The following BNIPL variants were observed in gnomAD, a reference collection of about 807,000 sequenced individuals.
The protein encoded by BNIPL is bcl-2/adenovirus E1B 19 kDa-interacting protein 2-like protein.
BNIPL carries 33 observed loss-of-function variants against 47.0 expected under a neutral mutation model. That is an observed-to-expected ratio of 0.70 (90% CI 0.53 to 0.94). The LOEUF (loss-of-function observed/expected upper bound fraction) is 0.94. Ranked by LOEUF, BNIPL falls within the 40% of genes least tolerant of loss-of-function variation. The pLI is 0.00. For missense variants in BNIPL, 404 were observed against 445.2 expected (o/e 0.91, Z 0.83); for synonymous variants, 145 against 162.7 (o/e 0.89, Z 0.83).
Position 151,043,712 on chromosome 1 carries a change from G to T in BNIPL, c.836G>T (p.Arg279Leu). 6.2e-7 allele frequency: 1 copy of T among 1,613,692 alleles called. No individual in the cohort carries two copies. Among genetic ancestry groups the T allele is most frequent in the Non-Finnish European group, 8.5e-7 (1 of 1,179,688 alleles). Residue 279 changes from arginine to leucine, a missense_variant, in exon 7 of 10, where the codon CGT becomes CTT. Coordinates refer to ENST00000368931, the MANE Select transcript of BNIPL (RefSeq NM_138278.4). ...CTAAGCTGGATACGTCAGTGTTACC[G>T]TACCCTGGATCGGCGGTGAGACCTG... ...PPLSWIRQCY[R>L]TLDRRLRKNL...
chr1:151,044,548 T>A (rs1675940173), intron 7 of BNIPL, among the ~76,000 whole-genome samples: 1 of 152,126 alleles, frequency 6.6e-6, no homozygotes, highest in South Asian at 2.1e-4. Context: ...GCTCAAGCCA[T>A]CCTCCCACCT....
chr1:151,045,937 A>C, intron 8 of BNIPL, 54 bp downstream of exon 8: 3 of 1,613,746 alleles, frequency 1.9e-6, no homozygotes, highest in Non-Finnish European at 2.5e-6. Context: ...TTTCAAAATC[A>C]AGATTAAGAT....
intron 7 of BNIPL, chr1:151,045,557 T>TAAA (rs1675987501): frequency 3.8e-6 from 1 of 264,534 alleles, no homozygotes; most frequent in Admixed American, 1.3e-4. Flanking sequence ...AGACTCCGTC[T>TAAA]CAAAAAAAAA....
intron 9 of BNIPL, among the ~76,000 whole-genome samples, 196 bp downstream of exon 9, chr1:151,046,361 GA>G (rs75037716): frequency 0.11 from 14,928 of 130,704 alleles, 1,341 homozygotes; most frequent in African/African-American, 0.28. Flanking sequence ...AAGAATAAAT[GA>G]AAAAAAAAAA....
rs761306125 is a variant in BNIPL at position 151,043,012 on chromosome 1, C to G, written c.490C>G (p.Arg164Gly). The G allele has an allele frequency of 5.0e-6, 8 of 1,610,528 alleles. No individual in the cohort carries two copies. The highest frequency in any genetic ancestry group is 4.5e-5 in the East Asian group (2 of 44,794). Residue 164 changes from arginine to glycine, a missense_variant, in exon 5 of 10, where the codon CGA (arginine) becomes GGA (glycine). Transcript: ENST00000368931. ...GTSETAERLG[R>G]GCMWDVTGED... ...CAGTGAGACAGCTGAAAGGCTGGGC[C>G]GAGGTTGTATGTGGGATGTGACTGG...
intron 6 of BNIPL, 54 bp downstream of exon 6, chr1:151,043,488 A>G: frequency 6.4e-7 from 1 of 1,556,692 alleles, no homozygotes; most frequent in Non-Finnish European, 8.9e-7. Flanking sequence ...GGAAAAGTAA[A>G]AAAGAACTCC....
At chr1:151,038,711 A>G (rs866298147) in intron 3 of BNIPL, 85 bp from the exon 4 acceptor site, 6 of 1,554,228 alleles carry the variant, frequency 3.9e-6, no homozygotes, top group Middle Eastern at 1.7e-4. Flanking sequence ...ACCCCATATT[A>G]TCACTTTCAC....
intron 1 of BNIPL, among the ~76,000 whole-genome samples, chr1:151,037,079 G>A (rs1037207076): frequency 1.3e-5 from 2 of 152,176 alleles, no homozygotes; most frequent in African/African-American, 4.8e-5. Context: ...CATCAGGAAA[G>A]CTGAACCAGA....
chr1:151,045,579 A>AAAT, intron 7 of BNIPL: 1 of 778,436 alleles, frequency 1.3e-6, no homozygotes, highest in Non-Finnish European at 1.8e-6. Flanking sequence ...AAAAAAAAAA[A>AAAT]TCTTGAGAGT....
In BNIPL at chr1:151,039,032, A is replaced by G. The variant is rs766497308; in HGVS notation, c.433+6A>G. Reference sequence around the variant, plus strand: ...ACATGAATTTGAATGGGAAGGTGGGAAACAAACCAGAGGACTCAGCTGGTA... The same window carrying G: ...ACATGAATTTGAATGGGAAGGTGGGGAACAAACCAGAGGACTCAGCTGGTA... On this transcript the variant is annotated splice_donor_region_variant and intron_variant, in intron 4 of 9. Transcript: ENST00000368931. 6.4e-7 allele frequency: 1 copy of G among 1,566,478 alleles called. No homozygotes were observed. Among genetic ancestry groups the G allele is most frequent in the East Asian group, 2.3e-5 (1 of 44,384 alleles).
Position 151,036,678 on chromosome 1 carries a change from C to G in BNIPL, c.-48C>G. 1 of 1,548,376 alleles carries G rather than the reference C, an allele frequency of 6.5e-7. No individual in the cohort carries two copies. The highest frequency in any genetic ancestry group is 8.9e-7 in the Non-Finnish European group (1 of 1,120,504). On this transcript the variant is annotated 5_prime_UTR_variant, in exon 1 of 10. Transcript: ENST00000368931. ...GTTGGGGGCTGGGACAACCAGCTCC[C>G]CAACAACTCCTAGGTGTTTAAAGAA...
At chr1:151,042,058 G>A (rs1675842884) in intron 4 of BNIPL, among the ~76,000 whole-genome samples, 1 of 151,812 alleles carries the variant, frequency 6.6e-6, no homozygotes, top group African/African-American at 2.4e-5. Flanking sequence ...TTGAGACAGA[G>A]TCTCACTCTT....
In BNIPL at chr1:151,046,091, T is replaced by C; in HGVS notation, c.963T>C (p.Arg321=). The C allele has an allele frequency of 6.2e-7, 1 of 1,614,162 alleles. No homozygotes were observed. The change falls in exon 9 of 10, where the codon CGT becomes CGC. Residue 321 remains arginine, a synonymous_variant. Coordinates refer to ENST00000368931, the MANE Select transcript of BNIPL (RefSeq NM_138278.4). Reference sequence around the variant, plus strand: ...GTTCCAAATTCACACGAAAAATCCGTTTTCTGGACAGCCTGGGGGAGCTGG... The same window carrying C: ...GTTCCAAATTCACACGAAAAATCCGCTTTCTGGACAGCCTGGGGGAGCTGG... The part of the protein sequence containing the change: ...FISSKFTRKI[R]FLDSLGELAQ...
Position 151,037,731 on chromosome 1 carries a change from C to T in BNIPL, c.137+69C>T, listed in dbSNP as rs995155884. ...CGAATGGACGGAGGGGATGGCGCGG[C>T]GGCTCATGGCTGTAATCCCAGCACT... On this transcript the variant is annotated intron_variant, in intron 2 of 9. Transcript: ENST00000368931. 2.1e-5 allele frequency: 29 copies of T among 1,355,878 alleles called. No homozygotes were observed. In the South Asian group the frequency reaches 2.1e-4, roughly 10 times the overall value. 84.0% of individuals were successfully genotyped at this position (1,355,878 alleles called of 1,614,324 possible).
rs1675603186 is a variant in BNIPL at position 151,036,594 on chromosome 1, C to T, written c.-132C>T. The T allele has an allele frequency of 1.2e-6, 1 of 826,330 alleles. No homozygotes were observed. Among genetic ancestry groups the T allele is most frequent in the Non-Finnish European group, 2.0e-6 (1 of 491,410 alleles). The allele number at this position is 826,330 out of a possible 1,614,324, so 51.2% of individuals were successfully genotyped here. On this transcript the variant is annotated 5_prime_UTR_variant, in exon 1 of 10. Coordinates refer to ENST00000368931, the MANE Select transcript of BNIPL (RefSeq NM_138278.4). ...TGAAGATGAGGTTACCTCCCTTCCACACCTCCCTCCTTGGAGGCAAGAGCT... is the reference window on the plus strand; with the variant it reads ...TGAAGATGAGGTTACCTCCCTTCCATACCTCCCTCCTTGGAGGCAAGAGCT...
chr1:151,038,659 C>T lies in BNIPL; in HGVS notation c.202+91C>T. 2.5e-6 allele frequency: 4 copies of T among 1,584,506 alleles called. No homozygotes were observed. The East Asian group carries it at 6.7e-5, about 27-fold the overall frequency. ...TATCCTTTTACAGTTCCATTTCCCC[C>T]TTTTCCCAAATCTCCCCTGCGTGAG... On this transcript the variant is annotated intron_variant, in intron 3 of 9. Coordinates refer to ENST00000368931, the MANE Select transcript of BNIPL (RefSeq NM_138278.4).
In BNIPL at chr1:151,043,678, G is replaced by A; in HGVS notation, c.802G>A (p.Val268Ile). Residue 268 changes from valine (V) to isoleucine (I), a missense_variant, in exon 7 of 10, where the codon GTT (valine) becomes ATT (isoleucine). Coordinates refer to ENST00000368931, the MANE Select transcript of BNIPL (RefSeq NM_138278.4). Reference protein sequence around the residue: ...HLSGGTSRAQVPPLSWIRQCY... With the variant: ...HLSGGTSRAQIPPLSWIRQCY... ...GAGTGGAGGCACAAGCAGGGCCCAA[G>A]TTCCACCTCTAAGCTGGATACGTCA... 1 of 1,613,860 alleles carries A rather than the reference G, an allele frequency of 6.2e-7. No individual in the cohort carries two copies. The highest frequency in any genetic ancestry group is 8.5e-7 in the Non-Finnish European group (1 of 1,179,796).
intron 4 of BNIPL, among the ~76,000 whole-genome samples, chr1:151,042,236 A>AT (rs1308737598): frequency 2.6e-5 from 4 of 151,428 alleles, no homozygotes; most frequent in Non-Finnish European, 4.4e-5. Flanking sequence ...TTTGAGTTCC[A>AT]TTTTTTTGTT....
chr1:151,037,461 T>C, intron 1 of BNIPL, 106 bp from the exon 2 acceptor site: 1 of 1,466,974 alleles, frequency 6.8e-7, no homozygotes. Flanking sequence ...CTGAGTCCTT[T>C]TGAAGGCCTA....
Sources: allele counts gnomAD v4.1 joint callset (sites outside exome capture counted in the v4.1 genomes callset), GRCh38; gene constraint gnomAD v4.1.1; transcripts MANE v1.5; gene names NCBI Gene and HGNC (gene_info 2026-07-23, HGNC 2026-07-21).